ABHD12: variants seen among roughly 807,000 people sequenced by gnomAD.
The protein encoded by ABHD12 is abhydrolase domain containing 12, lysophospholipase.
Under a neutral mutation model 58.3 loss-of-function variants are expected in ABHD12, and 43 were observed. The observed-to-expected ratio is 0.74, with a 90% CI of 0.58 to 0.95. ABHD12 has a LOEUF of 0.95. ABHD12 is among the 40% of genes least tolerant of loss of function. The pLI is 0.00. For missense variants in ABHD12, 539 were observed against 537.2 expected (o/e 1.00, Z -0.03); for synonymous variants, 219 against 211.2 (o/e 1.04, Z -0.32).
At chr20:25,341,849 A>C (rs373537367) in intron 1 of ABHD12, among the ~76,000 whole-genome samples, 17 of 152,162 alleles carry the variant, frequency 1.1e-4, no homozygotes, top group African/African-American at 4.1e-4. Flanking sequence ...AAAGCCTGCA[A>C]TCAAGTGTGC....
intron 1 of ABHD12, among the ~76,000 whole-genome samples, chr20:25,355,701 G>A (rs2089658479): frequency 6.6e-6 from 1 of 152,086 alleles, no homozygotes; most frequent in South Asian, 2.1e-4. Context: ...TGGGATTACA[G>A]GCACCCACCA....
chr20:25,343,037 C>T (rs2089475199), intron 1 of ABHD12, among the ~76,000 whole-genome samples: 2 of 152,174 alleles, frequency 1.3e-5, no homozygotes, highest in African/African-American at 4.8e-5. Context: ...TAGGGCAATC[C>T]ACCTACCTTG....
intron 2 of ABHD12, among the ~76,000 whole-genome samples, chr20:25,336,409 T>C (rs1043947861): frequency 6.6e-6 from 1 of 152,210 alleles, no homozygotes; most frequent in African/African-American, 2.4e-5. Context: ...AGGTGCTATG[T>C]TTCTTTAAAA....
intron 1 of ABHD12, among the ~76,000 whole-genome samples, chr20:25,364,557 G>C (rs372753410): frequency 2.6e-4 from 40 of 152,284 alleles, no homozygotes; most frequent in African/African-American, 9.6e-4. Flanking sequence ...TCTTCCCCCT[G>C]GGTGACCCAG....
chr20:25,308,452 C>G lies in ABHD12; in HGVS notation c.787+5G>C. ...GCCACGGCTGGGGCCCAACAAGGCA[C>G]TCACCTCGCTCACAGAGGCGCCGCA... On this transcript the variant is annotated splice_donor_5th_base_variant and intron_variant, in intron 8 of 12. Coordinates refer to ENST00000339157, the MANE Select transcript of ABHD12 (RefSeq NM_001042472.3). 1 of 1,611,334 alleles carries G rather than the reference C, an allele frequency of 6.2e-7. No homozygotes were observed. Among genetic ancestry groups the G allele is most frequent in the East Asian group, 2.2e-5 (1 of 44,844 alleles).
intron 1 of ABHD12, among the ~76,000 whole-genome samples, chr20:25,342,993 C>T (rs2146043884): frequency 6.6e-6 from 1 of 152,230 alleles, no homozygotes; most frequent in East Asian, 1.9e-4. Flanking sequence ...CAGTGTCTCC[C>T]TATGTTGCCC....
At chr20:25,296,622 C>T, downstream of ABHD12, 1 of 1,433,654 alleles carries the variant, frequency 7.0e-7, no homozygotes, top group Non-Finnish European at 9.4e-7. Context: ...GTGGTCCCTG[C>T]TTTTCTGAGT....
At chr20:25,371,304 C>T (rs1230266088) in intron 1 of ABHD12, among the ~76,000 whole-genome samples, 2 of 152,174 alleles carry the variant, frequency 1.3e-5, no homozygotes, top group East Asian at 3.8e-4. Flanking sequence ...GGTAGCCCTG[C>T]ACTGGATTTC....
At chr20:25,313,080 G>C (rs1428651010) in intron 6 of ABHD12, among the ~76,000 whole-genome samples, 1 of 152,280 alleles carries the variant, frequency 6.6e-6, no homozygotes, top group Non-Finnish European at 1.5e-5. Context: ...CCGTCTGGGA[G>C]GTGTACCCAA....
chr20:25,357,267 G>A (rs976435227), intron 1 of ABHD12, among the ~76,000 whole-genome samples: 2 of 152,114 alleles, frequency 1.3e-5, no homozygotes, highest in African/African-American at 4.8e-5. Flanking sequence ...TGCTATTCTC[G>A]AAAGTCCCCT....
At chr20:25,320,134 A>T in intron 4 of ABHD12, 65 bp downstream of exon 4, 1 of 1,605,552 alleles carries the variant, frequency 6.2e-7, no homozygotes, top group Non-Finnish European at 8.5e-7. Context: ...AGACCGGGCC[A>T]GGACATTCCC....
intron 1 of ABHD12, among the ~76,000 whole-genome samples, chr20:25,373,474 A>G (rs1382638274): frequency 6.6e-6 from 1 of 151,908 alleles, no homozygotes; most frequent in Non-Finnish European, 1.5e-5. Flanking sequence ...TTGAATCCGG[A>G]AGATGAAGGT....
Position 25,307,965 on chromosome 20 carries a change from C to A in ABHD12, c.867+1G>T. 6.4e-7 allele frequency: 1 copy of A among 1,569,034 alleles called. No individual in the cohort carries two copies. Among genetic ancestry groups the A allele is most frequent in the Non-Finnish European group, 8.8e-7 (1 of 1,139,198 alleles). ...TAATTTTTAATAAAATCTGTACTTG[C>A]CACTGAAAATGGATGGCTCTTAGCT... is the stretch of plus-strand genomic sequence containing the variant. On this transcript the variant is annotated splice_donor_variant, in intron 9 of 12. Coordinates refer to ENST00000339157, the MANE Select transcript of ABHD12 (RefSeq NM_001042472.3). LOFTEE classifies it high-confidence loss of function.
Position 25,303,529 on chromosome 20 carries a change from G to C in ABHD12, c.1029+21C>G, listed in dbSNP as rs1389614919. The C allele has an allele frequency of 1.9e-6, 3 of 1,612,386 alleles. No homozygotes were observed. In the African/African-American group the frequency reaches 4.0e-5, roughly 22 times the overall value. ...AGTGTGCAAGATGCCAGCTACACCAGAGGCAGAGGCCAGGACCCACCTTTC... is the reference window on the plus strand; with the variant it reads ...AGTGTGCAAGATGCCAGCTACACCACAGGCAGAGGCCAGGACCCACCTTTC... On this transcript the variant is annotated intron_variant, in intron 11 of 12. Transcript: ENST00000339157.
chr20:25,296,245 C>T, downstream of ABHD12: 1 of 1,200,950 alleles, frequency 8.3e-7, no homozygotes, highest in Admixed American at 2.0e-5. Flanking sequence ...ATGTCCTCCT[C>T]TTCCAGCGGA....
At chr20:25,296,414 C>T, downstream of ABHD12, 4 of 1,614,074 alleles carry the variant, frequency 2.5e-6, no homozygotes, top group Non-Finnish European at 3.4e-6. Context: ...ACATCGCCTG[C>T]TCGGGCAAGT....
intron 2 of ABHD12, among the ~76,000 whole-genome samples, chr20:25,337,760 C>T (rs537690342): frequency 1.4e-4 from 21 of 152,308 alleles, no homozygotes; most frequent in African/African-American, 4.8e-4. Flanking sequence ...TACCTAAGCC[C>T]CAAATGCTTT....
chr20:25,300,025 A>T (rs1306926736), downstream of ABHD12, among the ~76,000 whole-genome samples: 1 of 152,048 alleles, frequency 6.6e-6, no homozygotes, highest in Admixed American at 6.6e-5. Context: ...TGCAACTTGG[A>T]GAAAGGGGCG....
intron 1 of ABHD12, among the ~76,000 whole-genome samples, chr20:25,374,916 C>G (rs189716544): frequency 3.1e-4 from 47 of 152,326 alleles, no homozygotes; most frequent in African/African-American, 1.1e-3. Flanking sequence ...CTCTGCATGC[C>G]TGTGCTATGG....
Sources: gnomAD v4.1 joint callset for allele counts (sites outside exome capture counted in the v4.1 genomes callset) on GRCh38, gnomAD v4.1.1 for gene constraint, MANE v1.5 for transcripts, NCBI Gene and HGNC (gene_info 2026-07-23, HGNC 2026-07-21) for gene names.